RPH3A: variants seen among roughly 807,000 people sequenced by gnomAD.
RPH3A encodes the protein rabphilin-3A.
A neutral mutation model predicts 102.2 loss-of-function variants in RPH3A; 48 were observed. The ratio of observed to expected loss-of-function variants is 0.47; its 90% confidence interval spans 0.37 to 0.60. The LOEUF (loss-of-function observed/expected upper bound fraction) is 0.60, where lower values mean the gene tolerates loss of function less well. Ranked by LOEUF, RPH3A falls within the 20% of genes least tolerant of loss-of-function variation. The probability of loss-of-function intolerance (pLI) is 0.00; values close to 1 mark genes in which losing one functional copy is unlikely to be tolerated. For synonymous variants in RPH3A, 310 were observed against 324.3 expected, an observed-to-expected ratio of 0.96 and a Z score of 0.47; for missense variants, 781 against 910.1, an observed-to-expected ratio of 0.86 and a Z score of 1.83.
chr12:112,709,758 G>A (rs17825483), intron 1 of RPH3A, among the ~76,000 whole-genome samples: 53,245 of 151,890 alleles, frequency 0.35, 9,808 homozygotes, highest in South Asian at 0.57. Context: ...CAAGAAACCA[G>A]GGTAGTAGAG....
intron 16 of RPH3A, among the ~76,000 whole-genome samples, chr12:112,887,028 G>A (rs1188940180): frequency 6.6e-6 from 1 of 152,182 alleles, no homozygotes; most frequent in Non-Finnish European, 1.5e-5. Flanking sequence ...AATAAAGAGT[G>A]ACCAGAACCT....
At chr12:112,745,061 A>G (rs1251346353) in intron 1 of RPH3A, among the ~76,000 whole-genome samples, 2 of 152,168 alleles carry the variant, frequency 1.3e-5, no homozygotes, top group Non-Finnish European at 2.9e-5. Flanking sequence ...TTGAGTTGTC[A>G]TGTCTTCTTA....
rs141780875 is a variant in RPH3A, at chr12:112,766,888, A to G, written c.-139-25255A>G. Among the ~76,000 whole-genome samples, 1,172 of 152,298 alleles carry G rather than the reference A, an allele frequency of 7.7e-3. 18 individuals carry two copies. The highest frequency in any genetic ancestry group is 0.027 in the African/African-American group (1,106 of 41,570). On this transcript the variant is annotated intron_variant, in intron 1 of 21. Coordinates refer to the RPH3A transcript ENST00000543106. ...CAGCAGCAGAAATATGACTGGACCC[A>G]GGTGAGTGGGGTGACCACCTCTTTC...
intron 19 of RPH3A, 55 bp from the exon 20 acceptor site, chr12:112,894,523 G>A (rs555662851): frequency 3.9e-6 from 6 of 1,526,926 alleles, no homozygotes; most frequent in Middle Eastern, 3.4e-4. Flanking sequence ...GGGGTCAAGA[G>A]GCTGTTCTTA....
intron 1 of RPH3A, among the ~76,000 whole-genome samples, chr12:112,713,103 T>TCTTCTTCTTCTTCTTC (rs1254059409): frequency 2.5e-5 from 3 of 119,870 alleles, no homozygotes; most frequent in South Asian, 6.5e-4. Flanking sequence ...TCTTCTTCTT[T>TCTTCTTCTTCTTCTTC]TATTTTTTTG....
intron 1 of RPH3A, among the ~76,000 whole-genome samples, chr12:112,689,850 A>C (rs1046355563): frequency 1.3e-5 from 2 of 152,234 alleles, no homozygotes; most frequent in African/African-American, 4.8e-5. Context: ...TGTAAAAGCA[A>C]ATAAGGTAAT....
rs374892350 is a variant in RPH3A, at chr12:112,695,591, G to A, written c.-139-96552G>A. ...CAGCCTGACTTTGTTGCTTGGCTGT[G>A]TCTTTGATATTTATGCTATCATTTT... On this transcript the variant is annotated intron_variant, in intron 1 of 21. Transcript: ENST00000543106. 1.8e-4 allele frequency among the ~76,000 whole-genome samples: 28 copies of A among 152,338 alleles called. No individual in the cohort carries two copies. In the South Asian group the frequency reaches 5.0e-3, roughly 27 times the overall value.
Position 112,847,850 on chromosome 12 carries a change from T to C in RPH3A, c.230+8T>C. 1 of 1,613,540 alleles carries C rather than the reference T, an allele frequency of 6.2e-7. No homozygotes were observed. Among genetic ancestry groups the C allele is most frequent in the Middle Eastern group, 1.7e-4 (1 of 6,018 alleles). ...GGAGCAGGAGCGAATCGGGTGAGGC[T>C]TAACGCTTCCCATTCACCCCAGAGC... On this transcript the variant is annotated splice_region_variant and intron_variant, in intron 5 of 21. Coordinates refer to ENST00000389385, the MANE Select transcript of RPH3A (RefSeq NM_001143854.2).
intron 1 of RPH3A, among the ~76,000 whole-genome samples, chr12:112,730,517 T>G (rs1340773622): frequency 6.6e-6 from 1 of 152,250 alleles, no homozygotes; most frequent in Non-Finnish European, 1.5e-5. Flanking sequence ...CTGTATTTGC[T>G]GCAGAGCTTC....
intron 13 of RPH3A, among the ~76,000 whole-genome samples, chr12:112,878,026 G>C (rs1284839960): frequency 6.6e-6 from 1 of 152,194 alleles, no homozygotes; most frequent in Non-Finnish European, 1.5e-5. Context: ...AGTTCAAGGA[G>C]GGGCTGGTGG....
At chr12:112,878,514 G>T (rs1457580851) in intron 13 of RPH3A, among the ~76,000 whole-genome samples, 2 of 152,174 alleles carry the variant, frequency 1.3e-5, no homozygotes, top group African/African-American at 4.8e-5. Context: ...CTATTCTCCT[G>T]GAGCTAACAC....
intron 1 of RPH3A, among the ~76,000 whole-genome samples, chr12:112,764,445 C>T (rs1440619937): frequency 1.3e-5 from 2 of 152,100 alleles, no homozygotes; most frequent in Non-Finnish European, 1.5e-5. Flanking sequence ...TCTTTCAGAC[C>T]TTTGAAGGTA....
chr12:112,637,633 T>C (rs918305717), intron 1 of RPH3A, among the ~76,000 whole-genome samples: 2 of 152,162 alleles, frequency 1.3e-5, no homozygotes, highest in African/African-American at 4.8e-5. Flanking sequence ...AAGGAGTGAA[T>C]TGAGGAGACA....
At chr12:112,717,416 G>T (rs1192813359) in intron 1 of RPH3A, among the ~76,000 whole-genome samples, 1 of 152,032 alleles carries the variant, frequency 6.6e-6, no homozygotes, top group Non-Finnish European at 1.5e-5. Context: ...TATACATTAG[G>T]TTGGTGCAAA....
chr12:112,818,306 A>AT (rs1491537571), intron 2 of RPH3A, among the ~76,000 whole-genome samples: 19 of 147,322 alleles, frequency 1.3e-4, no homozygotes, highest in Non-Finnish European at 2.4e-4. Flanking sequence ...CTCAAGAAGA[A>AT]TAAAAAAAAA....
Position 112,665,270 on chromosome 12 carries a change from T to A in RPH3A, c.-140+89951T>A, listed in dbSNP as rs562727360. On this transcript the variant is annotated intron_variant, in intron 1 of 21. Transcript: ENST00000543106. Reference sequence around the variant, plus strand: ...CTCCAGGAACAAATGCCTCTGCTCATGTGAAACAGAGCTATGACTTTGTAG... The same window carrying A: ...CTCCAGGAACAAATGCCTCTGCTCAAGTGAAACAGAGCTATGACTTTGTAG... 7.2e-5 allele frequency among the ~76,000 whole-genome samples: 11 copies of A among 152,292 alleles called. No individual in the cohort carries two copies. The East Asian group carries it at 2.1e-3, about 29-fold the overall frequency.
chr12:112,735,355 T>C (rs1041235197), intron 1 of RPH3A, among the ~76,000 whole-genome samples: 2 of 152,180 alleles, frequency 1.3e-5, no homozygotes, highest in East Asian at 3.9e-4. Context: ...TGGAGAGATG[T>C]TGGGGAGAGA....
At chr12:112,583,878 C>T (rs759118666) in intron 1 of RPH3A, among the ~76,000 whole-genome samples, 2 of 151,986 alleles carry the variant, frequency 1.3e-5, no homozygotes, top group Admixed American at 1.3e-4. Context: ...CCCAACTACT[C>T]GTGAGGCCAA....
At chr12:112,735,706 G>A (rs1389612232) in intron 1 of RPH3A, among the ~76,000 whole-genome samples, 4 of 152,188 alleles carry the variant, frequency 2.6e-5, no homozygotes, top group African/African-American at 9.7e-5. Context: ...CAGAGATGGT[G>A]TGGAGCAGCC....
Sources: allele counts gnomAD v4.1 joint callset (sites outside exome capture counted in the v4.1 genomes callset), GRCh38; gene constraint gnomAD v4.1.1; transcripts MANE v1.5; gene names NCBI Gene and HGNC (gene_info 2026-07-23, HGNC 2026-07-21).